The following ROBO2 variants were observed in gnomAD, a reference collection of about 807,000 sequenced individuals.
ROBO2 encodes the protein roundabout guidance receptor 2, also known as roundabout homolog 2.
A neutral mutation model predicts 160.8 loss-of-function variants in ROBO2; 53 were observed. That is an observed-to-expected ratio of 0.33 (90% CI 0.26 to 0.41). The LOEUF (loss-of-function observed/expected upper bound fraction) is 0.41, where lower values mean the gene tolerates loss of function less well. Among genes scored for constraint, ROBO2 ranks in the 10% least tolerant of loss-of-function variants. ROBO2 has a pLI of 1.00. For synonymous variants in ROBO2, 664 were observed against 611.7 expected (o/e 1.09, Z -1.26); for missense variants, 1,577 against 1,722.4 (o/e 0.92, Z 1.49).
chr3:77,251,496 T>C (rs2090340599), intron 2 of ROBO2, among the ~76,000 whole-genome samples: 6 of 152,168 alleles, frequency 3.9e-5, no homozygotes, highest in Non-Finnish European at 8.8e-5. Flanking sequence ...CAGAATTGCC[T>C]GATAAGATAC....
At chr3:76,722,546 C>T (rs2093482401) in intron 2 of ROBO2, among the ~76,000 whole-genome samples, 1 of 152,130 alleles carries the variant, frequency 6.6e-6, no homozygotes, top group Admixed American at 6.6e-5. Context: ...TCATCATAAC[C>T]TAATTTTAGA....
chr3:76,413,775 C>T (rs924587573), intron 2 of ROBO2, among the ~76,000 whole-genome samples: 1 of 152,122 alleles, frequency 6.6e-6, no homozygotes, highest in African/African-American at 2.4e-5. Flanking sequence ...TTCTTCTGAG[C>T]CCTCCAAACT....
intron 2 of ROBO2, among the ~76,000 whole-genome samples, chr3:76,919,701 AT>A (rs1173330216): frequency 1.3e-5 from 2 of 152,120 alleles, no homozygotes; most frequent in Non-Finnish European, 2.9e-5. Context: ...ATTATTTTTT[AT>A]TGACACATAG....
chr3:77,038,863 A>G (rs939308771), upstream of ROBO2, among the ~76,000 whole-genome samples: 20 of 152,110 alleles, frequency 1.3e-4, no homozygotes, highest in African/African-American at 2.4e-5. Context: ...TTGAGCTTCC[A>G]TGAGCTCAGC....
intron 2 of ROBO2, among the ~76,000 whole-genome samples, chr3:76,361,407 G>A (rs1576663192): frequency 1.3e-5 from 2 of 152,016 alleles, no homozygotes; most frequent in Admixed American, 1.3e-4. Flanking sequence ...CTGTGCCTAT[G>A]CATTCTATAT....
At chr3:76,971,489 G>C (rs1392986246) in intron 2 of ROBO2, among the ~76,000 whole-genome samples, 1 of 151,990 alleles carries the variant, frequency 6.6e-6, no homozygotes, top group Non-Finnish European at 1.5e-5. Context: ...GTCAGATGAT[G>C]TATTAAAACA....
At position 76,219,260 on chromosome 3, in the gene ROBO2, C is replaced by T. The variant is rs545147150; in HGVS notation, c.109+281658C>T. Among the ~76,000 whole-genome samples, 286 of 152,272 alleles carry T rather than the reference C, an allele frequency of 1.9e-3. 3 individuals are homozygous for T. In the South Asian group the frequency reaches 0.019, roughly 10 times the overall value. ...TAGGCAATACCATTCAGGACATAGG[C>T]ATGGGCAAGGACTTCATGTCTAAAA... On this transcript the variant is annotated intron_variant, in intron 2 of 26. Transcript: ENST00000487694.
chr3:76,501,447 A>T (rs2107643270), intron 2 of ROBO2, among the ~76,000 whole-genome samples: 1 of 152,328 alleles, frequency 6.6e-6, no homozygotes, highest in East Asian at 1.9e-4. Context: ...AAGTTTTCAA[A>T]TACCATGCTA....
chr3:75,942,009 G>A (rs574306468), intron 2 of ROBO2, among the ~76,000 whole-genome samples: 9 of 152,082 alleles, frequency 5.9e-5, no homozygotes, highest in East Asian at 1.9e-4. Flanking sequence ...CCTTACAATC[G>A]TTTCCCAGTG....
chr3:76,039,727 A>C (rs1193934305), intron 2 of ROBO2, among the ~76,000 whole-genome samples: 1 of 152,026 alleles, frequency 6.6e-6, no homozygotes, highest in Non-Finnish European at 1.5e-5. Flanking sequence ...TTGTCAGTCT[A>C]AACTTACCTT....
chr3:76,115,790 G>A (rs564695109), intron 2 of ROBO2, among the ~76,000 whole-genome samples: 5 of 151,918 alleles, frequency 3.3e-5, no homozygotes, highest in Admixed American at 6.6e-5. Context: ...TAGCCATATG[G>A]ACATCTTTCT....
intron 2 of ROBO2, among the ~76,000 whole-genome samples, chr3:76,357,423 G>C (rs2075241348): frequency 6.6e-6 from 1 of 151,880 alleles, no homozygotes; most frequent in South Asian, 2.1e-4. Context: ...AAAATGTAAA[G>C]AAAAGACAAC....
chr3:77,084,001 A>G (rs2068979540), intron 1 of ROBO2, among the ~76,000 whole-genome samples: 1 of 152,144 alleles, frequency 6.6e-6, no homozygotes, highest in African/African-American at 2.4e-5. Context: ...TGAGTGAATT[A>G]TCTTCATTGA....
intron 2 of ROBO2, among the ~76,000 whole-genome samples, chr3:76,328,556 C>G (rs2073207948): frequency 6.6e-6 from 1 of 151,982 alleles, no homozygotes; most frequent in African/African-American, 2.4e-5. Flanking sequence ...GAAACCCCAT[C>G]TCTACTAAAC....
At chr3:76,481,940 G>T (rs570894973) in intron 2 of ROBO2, among the ~76,000 whole-genome samples, 3 of 152,160 alleles carry the variant, frequency 2.0e-5, no homozygotes, top group South Asian at 4.1e-4. Flanking sequence ...ATTTTCACTT[G>T]CCCTGTCTGT....
At chr3:76,216,747 T>A (rs144242227) in intron 2 of ROBO2, among the ~76,000 whole-genome samples, 2,356 of 152,158 alleles carry the variant, frequency 0.015, 30 homozygotes, top group Non-Finnish European at 0.024. Context: ...ATTAGACAGC[T>A]CAACGAGACA....
At chr3:76,899,373 A>C (rs2148864975) in intron 2 of ROBO2, among the ~76,000 whole-genome samples, 1 of 152,280 alleles carries the variant, frequency 6.6e-6, no homozygotes, top group Non-Finnish European at 1.5e-5. Flanking sequence ...AGCACAGAAT[A>C]ACAATACAAC....
chr3:76,868,352 A>G (rs1165011133), intron 2 of ROBO2, among the ~76,000 whole-genome samples: 2 of 152,108 alleles, frequency 1.3e-5, no homozygotes, highest in African/African-American at 4.8e-5. Flanking sequence ...TTCTTTTCAT[A>G]GTATATTTGT....
intron 1 of ROBO2, among the ~76,000 whole-genome samples, chr3:77,072,481 A>C (rs892371453): frequency 6.6e-6 from 1 of 152,164 alleles, no homozygotes; most frequent in Non-Finnish European, 1.5e-5. Flanking sequence ...GGCCTTTTGC[A>C]TTTAAAGACT....
Sources: gnomAD v4.1 joint callset for allele counts (sites outside exome capture counted in the v4.1 genomes callset) on GRCh38, gnomAD v4.1.1 for gene constraint, MANE v1.5 for transcripts, NCBI Gene and HGNC (gene_info 2026-07-23, HGNC 2026-07-21) for gene names.